The following MYO15B variants were observed in gnomAD, a reference collection of about 807,000 sequenced individuals.
MYO15B encodes myosin XVB, also known as myosin XVB pseudogene.
In MYO15B, 207 loss-of-function variants were observed where a neutral mutation model predicts 119.3. The observed-to-expected ratio is 1.73, with a 90% CI of 1.55 to 1.95. The LOEUF is 1.95. Ranked by LOEUF, MYO15B falls within the 30% of genes most tolerant of loss-of-function variation. The pLI is 0.00. For synonymous variants in MYO15B, 966 were observed against 498.9 expected, an observed-to-expected ratio of 1.94 and a Z score of -12.48; for missense variants, 2,264 against 1,203.1, an observed-to-expected ratio of 1.88 and a Z score of -13.04.
At chr17:75,591,451 T>A in intron 4 of MYO15B, 150 bp from the exon 5 acceptor site, 1 of 619,826 alleles carries the variant, frequency 1.6e-6, no homozygotes, top group South Asian at 1.9e-5. Context: ...TTCTGTCGGG[T>A]CTCTCCATGC....
intron 21 of MYO15B, among the ~76,000 whole-genome samples, chr17:75,608,303 G>A (rs2147931073): frequency 6.6e-6 from 1 of 151,964 alleles, no homozygotes; most frequent in Non-Finnish European, 1.5e-5. Flanking sequence ...GTTTTTAGTG[G>A]AGATGGGGTT....
intron 9 of MYO15B, among the ~76,000 whole-genome samples, 191 bp from the exon 10 acceptor site, chr17:75,594,284 A>G (rs552083792): frequency 6.6e-6 from 1 of 152,272 alleles, no homozygotes; most frequent in African/African-American, 2.4e-5. Flanking sequence ...CCGCCAGCAA[A>G]GAGGGAAAGT....
Position 75,591,162 on chromosome 17 carries a change from TC to T in MYO15B, c.2361-9del. ...GTCCCCATGTCTGGCAACCTTCTCA[TC>T]TCCCTCAGACACATCTTTGCCATCG... is the stretch of plus-strand genomic sequence containing the variant. On this transcript the variant is annotated splice_polypyrimidine_tract_variant and intron_variant, in intron 3 of 63. Coordinates refer to ENST00000645453, the Ensembl canonical transcript of MYO15B. 1 of 702,818 alleles carries T rather than the reference TC, an allele frequency of 1.4e-6. No homozygotes were observed. 43.5% of individuals were successfully genotyped at this position (702,818 alleles called of 1,614,324 possible).
At chr17:75,602,456 C>G (rs569063828) in intron 15 of MYO15B, 61 bp from the exon 16 acceptor site, 1 of 702,796 alleles carries the variant, frequency 1.4e-6, no homozygotes, top group African/African-American at 1.7e-5. Context: ...AGCCTCCCCT[C>G]CTTGGTTCCT....
At chr17:75,612,501 C>T (rs1327798100) in intron 25 of MYO15B, among the ~76,000 whole-genome samples, 2 of 151,996 alleles carry the variant, frequency 1.3e-5, no homozygotes, top group Admixed American at 6.6e-5. Context: ...GGTGAAACCC[C>T]GTCTCTACTA....
chr17:75,592,567 G>A (rs1036178275), intron 8 of MYO15B, 26 bp downstream of exon 8: 22 of 614,960 alleles, frequency 3.6e-5, no homozygotes, highest in South Asian at 2.8e-4. Context: ...GTGGTGCGGC[G>A]GGGAGGCCTG....
At chr17:75,613,456 G>A (rs1283900720) in exon 28 of MYO15B, 2 of 683,236 alleles carry the variant, frequency 2.9e-6, no homozygotes, top group Non-Finnish European at 5.3e-6. Context: ...GGCGCTGGAT[G>A]TGTTCACCTT....
At chr17:75,593,192 T>C (rs8074780) in intron 9 of MYO15B, among the ~76,000 whole-genome samples, 6,693 of 109,034 alleles carry the variant, frequency 0.061, 610 homozygotes, top group African/African-American at 0.22. Context: ...AAACCCCGTC[T>C]CTATTAAAAA....
At chr17:75,601,704 G>A in intron 15 of MYO15B, 141 bp downstream of exon 15, 2 of 617,134 alleles carry the variant, frequency 3.2e-6, no homozygotes, top group Non-Finnish European at 5.9e-6. Context: ...TGAGCCATGG[G>A]CCCTGCCCAG....
exon 1 of MYO15B, chr17:75,590,142 G>T (rs1025191937): frequency 4.3e-5 from 17 of 398,990 alleles, no homozygotes; most frequent in African/African-American, 2.9e-4. Flanking sequence ...GGGACCTGGA[G>T]CTGAGCCTCC....
intron 22 of MYO15B, chr17:75,610,559 G>C (rs528962383): frequency 2.8e-5 from 14 of 495,990 alleles, no homozygotes; most frequent in Non-Finnish European, 5.0e-5. Flanking sequence ...TCTTTTGCAT[G>C]ATGACTCAAA....
rs2057355352 is a variant in MYO15B at position 75,602,612 on chromosome 17, C to T, written c.3729+18C>T. The T allele has an allele frequency of 4.6e-6, 3 of 658,578 alleles. No individual in the cohort carries two copies. The highest frequency in any genetic ancestry group is 8.3e-6 in the Non-Finnish European group (3 of 362,354). The allele number at this position is 658,578 out of a possible 1,614,324, so 40.8% of individuals were successfully genotyped here. A position where few individuals can be genotyped will look rare whatever the true frequency, so the allele number is the denominator to read the frequency against. On this transcript the variant is annotated intron_variant, in intron 16 of 63. Coordinates refer to ENST00000645453, the Ensembl canonical transcript of MYO15B. ...AGCTCCAGGTGCCCATCTGCCCTTC[C>T]AGGCCCCCACCCGCTCCATACTCTG...
At chr17:75,621,097 G>A (rs1359002875) in exon 50 of MYO15B, 1 of 702,914 alleles carries the variant, frequency 1.4e-6, no homozygotes, top group Non-Finnish European at 2.6e-6. Flanking sequence ...GTCCTCTGTG[G>A]CCTATGCCTT....
At chr17:75,609,828 C>T (rs1839407949) in intron 21 of MYO15B, among the ~76,000 whole-genome samples, 4 of 151,690 alleles carry the variant, frequency 2.6e-5, no homozygotes, top group Admixed American at 2.6e-4. Flanking sequence ...GCCTCAGCCT[C>T]CTGAGGAGCT....
At chr17:75,602,241 A>T in intron 15 of MYO15B, 3 of 551,444 alleles carry the variant, frequency 5.4e-6, no homozygotes, top group Non-Finnish European at 9.8e-6. Context: ...ATGGAGAGAC[A>T]GACAACATTC....
rs1420805923 is a variant in MYO15B at position 75,621,360 on chromosome 17, T to TG, written c.7889dup (p.Gly2631ArgfsTer27). 5.7e-6 allele frequency: 4 copies of TG among 701,236 alleles called. No individual in the cohort carries two copies. The highest frequency in any genetic ancestry group is 2.3e-4 in the Middle Eastern group (1 of 4,312). 43.4% of individuals were successfully genotyped at this position (701,236 alleles called of 1,614,324 possible). On this transcript the variant is annotated frameshift_variant, in exon 51 of 64. Coordinates refer to ENST00000645453, the Ensembl canonical transcript of MYO15B. LOFTEE classifies it high-confidence loss of function. ...CCCCCCACAGGCTGGGCCAGACTGA[T>TG]GGAGGTGCCGCAGGAAAGGACACGG...
exon 30 of MYO15B, chr17:75,614,344 A>G: frequency 1.4e-6 from 1 of 702,562 alleles, no homozygotes; most frequent in Non-Finnish European, 2.6e-6. Context: ...CAGCTACCCC[A>G]TCACTCCTCT....
At position 75,614,282 on chromosome 17, in the gene MYO15B, TGCTGGACCTGATCA is replaced by T. The variant is rs1462451917; in HGVS notation, c.5306_5319del (p.Leu1769ProfsTer3). On this transcript the variant is annotated frameshift_variant, in exon 30 of 64. Coordinates refer to ENST00000645453, the Ensembl canonical transcript of MYO15B. LOFTEE classifies it high-confidence loss of function. ...CAGGACTTGGCTGGCTGCGACTTTG[TGCTGGACCTGATCA>T]GCCAGACTGAGGACCTGGGGGACCC... is the stretch of plus-strand genomic sequence containing the variant. The T allele has an allele frequency of 4.7e-5, 33 of 702,848 alleles. No individual in the cohort carries two copies. Among genetic ancestry groups the T allele is most frequent in the African/African-American group, 7.0e-5 (4 of 57,362 alleles). 43.5% of individuals were successfully genotyped at this position (702,848 alleles called of 1,614,324 possible). A position where few individuals can be genotyped will look rare whatever the true frequency, so the allele number is the denominator to read the frequency against.
chr17:75,622,102 C>T lies in MYO15B; in HGVS notation c.8082+22C>T. The T allele has an allele frequency of 4.3e-6, 3 of 702,752 alleles. No individual in the cohort carries two copies. In the South Asian group the frequency reaches 4.4e-5, roughly 10 times the overall value. The allele number at this position is 702,752 out of a possible 1,614,324, so 43.5% of individuals were successfully genotyped here. A position where few individuals can be genotyped will look rare whatever the true frequency, so the allele number is the denominator to read the frequency against. On this transcript the variant is annotated intron_variant, in intron 53 of 63. Coordinates refer to ENST00000645453, the Ensembl canonical transcript of MYO15B. ...GAAGGTAAGCCTGGGCTGTGCGACCCCCAGCGCCTGTGCCTGTCCTCCTGT... is the reference window on the plus strand; with the variant it reads ...GAAGGTAAGCCTGGGCTGTGCGACCTCCAGCGCCTGTGCCTGTCCTCCTGT...
Sources: allele counts gnomAD v4.1 joint callset (sites outside exome capture counted in the v4.1 genomes callset), GRCh38; gene constraint gnomAD v4.1.1; transcripts MANE v1.5; gene names NCBI Gene and HGNC (gene_info 2026-07-23, HGNC 2026-07-21).